WDFY2: variants seen among roughly 807,000 people sequenced by gnomAD.
The protein encoded by WDFY2 is WD repeat and FYVE domain containing 2.
Under a neutral mutation model 56.4 loss-of-function variants are expected in WDFY2, and 36 were observed. The observed-to-expected ratio is 0.64, with a 90% CI of 0.49 to 0.84. The LOEUF (loss-of-function observed/expected upper bound fraction) is 0.84. WDFY2 is among the 40% of genes least tolerant of loss of function. The pLI, the probability that WDFY2 is intolerant of heterozygous loss-of-function variation, is 0.00. For synonymous variants in WDFY2, 176 were observed against 183.7 expected, an observed-to-expected ratio of 0.96 and a Z score of 0.34; for missense variants, 444 against 512.2, an observed-to-expected ratio of 0.87 and a Z score of 1.29.
chr13:51,657,627 T>G (rs1955534317), intron 1 of WDFY2, among the ~76,000 whole-genome samples: 2 of 152,194 alleles, frequency 1.3e-5, no homozygotes. Context: ...TCTCTTACGC[T>G]CTGTTTGTTA....
At chr13:51,620,347 C>T (rs535103520) in intron 1 of WDFY2, among the ~76,000 whole-genome samples, 1 of 152,140 alleles carries the variant, frequency 6.6e-6, no homozygotes, top group East Asian at 1.9e-4. Flanking sequence ...TGGCTGAGGA[C>T]GGCATCCCTC....
Position 51,675,151 on chromosome 13 carries a change from A to G in WDFY2, c.206-19A>G. 6.2e-7 allele frequency: 1 copy of G among 1,613,118 alleles called. No homozygotes were observed. Among genetic ancestry groups the G allele is most frequent in the Non-Finnish European group, 8.5e-7 (1 of 1,179,224 alleles). On this transcript the variant is annotated intron_variant, in intron 2 of 11. Transcript: ENST00000298125. The stretch of plus-strand genomic sequence containing the variant: ...AATCATGGTTTTGTTAATTTCATCA[A>G]CATGTTCATTTCTTTCAGCTCCATG...
intron 2 of WDFY2, among the ~76,000 whole-genome samples, chr13:51,670,262 G>C (rs1955782675): frequency 6.6e-6 from 1 of 152,000 alleles, no homozygotes; most frequent in South Asian, 2.1e-4. Flanking sequence ...TTAATTTCTG[G>C]TGAGTTGAAG....
chr13:51,628,640 G>A (rs886475031), intron 1 of WDFY2, among the ~76,000 whole-genome samples: 9 of 152,196 alleles, frequency 5.9e-5, no homozygotes, highest in South Asian at 2.1e-4. Flanking sequence ...GGCCTCTTCC[G>A]AGTGGTCCCT....
chr13:51,691,738 T>C (rs1218115285), intron 3 of WDFY2, among the ~76,000 whole-genome samples: 1 of 152,036 alleles, frequency 6.6e-6, no homozygotes, highest in East Asian at 1.9e-4. Flanking sequence ...GTGAAGAAAG[T>C]CATTGGTAGC....
chr13:51,641,682 C>T (rs1046884237), intron 1 of WDFY2, among the ~76,000 whole-genome samples: 13 of 150,038 alleles, frequency 8.7e-5, no homozygotes, highest in Non-Finnish European at 1.3e-4. Flanking sequence ...AAAAATTAGC[C>T]GGGCGTAGTG....
At chr13:51,693,897 T>G (rs1230561961) in intron 3 of WDFY2, among the ~76,000 whole-genome samples, 4 of 152,108 alleles carry the variant, frequency 2.6e-5, no homozygotes, top group East Asian at 3.9e-4. Flanking sequence ...TTTAGGATAG[T>G]TAGCTCTTCT....
intron 1 of WDFY2, among the ~76,000 whole-genome samples, chr13:51,625,986 A>G (rs1195129528): frequency 6.6e-6 from 1 of 152,230 alleles, no homozygotes; most frequent in Non-Finnish European, 1.5e-5. Flanking sequence ...CTCTGGTCAT[A>G]GTTGGGTGGC....
intron 3 of WDFY2, among the ~76,000 whole-genome samples, chr13:51,680,990 T>G (rs1451830797): frequency 6.6e-6 from 1 of 152,082 alleles, no homozygotes; most frequent in East Asian, 1.9e-4. Context: ...AAATATGTGT[T>G]GGGTTGGGGG....
intron 6 of WDFY2, among the ~76,000 whole-genome samples, chr13:51,731,651 G>A (rs186603287): frequency 6.6e-6 from 1 of 152,344 alleles, no homozygotes; most frequent in Non-Finnish European, 1.5e-5. Flanking sequence ...TAGACATATT[G>A]TTGAGCTCTT....
intron 4 of WDFY2, among the ~76,000 whole-genome samples, chr13:51,710,610 G>A (rs1952191114): frequency 1.3e-5 from 2 of 152,124 alleles, no homozygotes; most frequent in African/African-American, 2.4e-5. Flanking sequence ...CAAAATAAAT[G>A]TGCAAAAATC....
At chr13:51,620,331 T>G (rs1954701847) in intron 1 of WDFY2, among the ~76,000 whole-genome samples, 1 of 152,108 alleles carries the variant, frequency 6.6e-6, no homozygotes, top group South Asian at 2.1e-4. Context: ...TTGCCTGGAC[T>G]GGAGATGGCT....
At chr13:51,736,282 G>T (rs1367860544) in intron 6 of WDFY2, among the ~76,000 whole-genome samples, 1 of 152,148 alleles carries the variant, frequency 6.6e-6, no homozygotes, top group Non-Finnish European at 1.5e-5. Flanking sequence ...TTTTACAGAT[G>T]AGACTTCTGA....
chr13:51,610,254 T>TG (rs760271321), intron 1 of WDFY2, among the ~76,000 whole-genome samples: 16 of 140,108 alleles, frequency 1.1e-4, no homozygotes, highest in South Asian at 2.4e-4. Flanking sequence ...TTTTTTTTTT[T>TG]GGGGGGCTAA....
At chr13:51,755,601 A>C (rs1593481844) in intron 9 of WDFY2, 142 bp downstream of exon 9, 1 of 768,996 alleles carries the variant, frequency 1.3e-6, no homozygotes. Context: ...TTGCACAGTA[A>C]TTTACTCTGT....
In WDFY2 at chr13:51,703,614, G is replaced by T; in HGVS notation, c.298G>T (p.Asp100Tyr). 2 of 1,608,466 alleles carry T rather than the reference G, an allele frequency of 1.2e-6. No homozygotes were observed. The highest frequency in any genetic ancestry group is 4.5e-5 in the East Asian group (2 of 44,676). ...TTTACAGGAGTTTATATTGTCAGAA[G>T]ATTATAACAAGATGACTCCTGTGAA... ...GTISEFILSE[D>Y]YNKMTPVKNY... Residue 100 changes from aspartate to tyrosine, a missense_variant, in exon 4 of 12, where the codon GAT (aspartate) becomes TAT (tyrosine). Transcript: ENST00000298125.
intron 6 of WDFY2, among the ~76,000 whole-genome samples, chr13:51,734,983 G>A (rs1193478536): frequency 6.6e-6 from 1 of 152,254 alleles, no homozygotes; most frequent in Non-Finnish European, 1.5e-5. Context: ...TGTCTGCACT[G>A]CCTGGAATGC....
At chr13:51,622,660 G>A (rs1284575049) in intron 1 of WDFY2, among the ~76,000 whole-genome samples, 3 of 152,198 alleles carry the variant, frequency 2.0e-5, no homozygotes, top group African/African-American at 7.2e-5. Flanking sequence ...TTTATTAACA[G>A]TATGCCTGGC....
intron 3 of WDFY2, among the ~76,000 whole-genome samples, chr13:51,682,774 C>T (rs1956000214): frequency 6.6e-6 from 1 of 152,158 alleles, no homozygotes; most frequent in African/African-American, 2.4e-5. Context: ...GTGTCATTAT[C>T]ATCATCATCA....
Sources: allele counts gnomAD v4.1 joint callset (sites outside exome capture counted in the v4.1 genomes callset), GRCh38; gene constraint gnomAD v4.1.1; transcripts MANE v1.5; gene names NCBI Gene and HGNC (gene_info 2026-07-23, HGNC 2026-07-21).